Variants in DAB1 observed in about 807,000 individuals in gnomAD.
DAB1 encodes disabled homolog 1.
DAB1 carries 15 observed loss-of-function variants against 64.6 expected under a neutral mutation model. That is an observed-to-expected ratio of 0.23 (90% CI 0.16 to 0.36). DAB1 has a LOEUF of 0.36. Ranked by LOEUF, DAB1 falls within the 10% of genes least tolerant of loss-of-function variation. The pLI is 1.00. For synonymous variants in DAB1, 235 were observed against 251.9 expected (o/e 0.93, Z 0.64); for missense variants, 596 against 706.7 (o/e 0.84, Z 1.78).
intron 4 of DAB1, among the ~76,000 whole-genome samples, chr1:58,197,049 C>A (rs1304000406): frequency 6.6e-6 from 1 of 152,168 alleles, no homozygotes. Context: ...GAGATTCTTA[C>A]AGTCTCCATT....
At chr1:57,057,602 C>T (rs1649903296) in intron 9 of DAB1, among the ~76,000 whole-genome samples, 1 of 144,730 alleles carries the variant, frequency 6.9e-6, no homozygotes. Context: ...AAGGACTACA[C>T]TGATTCTTTT....
intron 5 of DAB1, among the ~76,000 whole-genome samples, chr1:57,915,946 C>T (rs560765215): frequency 3.9e-5 from 6 of 152,248 alleles, no homozygotes; most frequent in Admixed American, 2.6e-4. Flanking sequence ...TTTAGGTGAG[C>T]GCTTCAATGT....
intron 5 of DAB1, among the ~76,000 whole-genome samples, chr1:58,133,866 A>G (rs150929463): frequency 2.6e-4 from 40 of 152,292 alleles, no homozygotes; most frequent in African/African-American, 7.0e-4. Context: ...AACATTGCCA[A>G]TTTAATCTTT....
intron 3 of DAB1, among the ~76,000 whole-genome samples, chr1:58,485,210 A>C (rs1645554800): frequency 6.7e-6 from 1 of 148,742 alleles, no homozygotes; most frequent in African/African-American, 2.5e-5. Flanking sequence ...AGAGTCTAAA[A>C]ATAAAAGAGT....
At chr1:57,745,984 G>A (rs1406236247) in intron 6 of DAB1, among the ~76,000 whole-genome samples, 2 of 152,134 alleles carry the variant, frequency 1.3e-5, no homozygotes, top group Non-Finnish European at 2.9e-5. Flanking sequence ...ACATATCATT[G>A]TGCACATTTT....
chr1:57,465,444 G>A (rs1686924496), intron 7 of DAB1, among the ~76,000 whole-genome samples: 1 of 152,182 alleles, frequency 6.6e-6, no homozygotes, highest in Admixed American at 6.5e-5. Context: ...ATGAATGAAT[G>A]AATGAATGAC....
chr1:58,445,442 C>T (rs1645054650), intron 3 of DAB1, among the ~76,000 whole-genome samples: 1 of 152,228 alleles, frequency 6.6e-6, no homozygotes, highest in Non-Finnish European at 1.5e-5. Flanking sequence ...CCAGGCACTG[C>T]CCTCTGTCCC....
chr1:57,909,947 T>C (rs907367973), intron 5 of DAB1, among the ~76,000 whole-genome samples: 1 of 152,202 alleles, frequency 6.6e-6, no homozygotes, highest in African/African-American at 2.4e-5. Flanking sequence ...CACATATTTA[T>C]ATAGAAGATG....
At chr1:57,070,832 T>C in intron 7 of DAB1, 191 bp downstream of exon 7, 1 of 627,108 alleles carries the variant, frequency 1.6e-6, no homozygotes, top group Non-Finnish European at 2.9e-6. Flanking sequence ...AAGATACCGA[T>C]GCCGGCCAAA....
chr1:58,074,064 C>T (rs1485270013), intron 5 of DAB1, among the ~76,000 whole-genome samples: 1 of 152,160 alleles, frequency 6.6e-6, no homozygotes, highest in African/African-American at 2.4e-5. Flanking sequence ...TTCTGGACTT[C>T]TCAAATACAT....
Position 56,996,282 on chromosome 1 carries a change from A to T in DAB1, c.*1862T>A, listed in dbSNP as rs546181940. 24 of 152,368 alleles carry T rather than the reference A, an allele frequency of 1.6e-4. No individual in the cohort carries two copies. The highest frequency in any genetic ancestry group is 1.2e-3 in the South Asian group (6 of 4,832). 9.4% of individuals were successfully genotyped at this position (152,368 alleles called of 1,614,324 possible). A position where few individuals can be genotyped will look rare whatever the true frequency, so the allele number is the denominator to read the frequency against. On this transcript the variant is annotated 3_prime_UTR_variant, in exon 15 of 15. Transcript: ENST00000371236. ...ATCTAAAAACCAAATAATAATAATT[A>T]TCCTCAAATCCAATTAATCACATGA...
At chr1:57,323,152 A>T (rs1021150256) in intron 1 of DAB1, among the ~76,000 whole-genome samples, 29 of 152,066 alleles carry the variant, frequency 1.9e-4, no homozygotes, top group African/African-American at 6.8e-4. Flanking sequence ...AATTCTCCCT[A>T]AATCCTCTCT....
At chr1:57,509,955 C>G (rs1644388548) in intron 7 of DAB1, among the ~76,000 whole-genome samples, 1 of 152,112 alleles carries the variant, frequency 6.6e-6, no homozygotes. Flanking sequence ...ATAATTTGCT[C>G]TTATTATTTT....
chr1:57,257,985 A>C (rs556109026), intron 2 of DAB1, among the ~76,000 whole-genome samples: 97 of 152,364 alleles, frequency 6.4e-4, no homozygotes, highest in African/African-American at 2.2e-3. Context: ...TATCCCATGT[A>C]AGGCAACATG....
chr1:58,090,777 G>C lies in DAB1; in HGVS notation n.387+59734C>G, dbSNP rs150609572. ...CACAGCCCAGTACAGAGTCACACAG[G>C]CAGGCAGACTAACAAGGAGGCAATT... On this transcript the variant is annotated intron_variant and non_coding_transcript_variant, in intron 5 of 20. Transcript: ENST00000485760. 2.6e-4 allele frequency among the ~76,000 whole-genome samples: 40 copies of C among 152,272 alleles called. No individual in the cohort carries two copies. The East Asian group carries it at 7.0e-3, about 26-fold the overall frequency.
intron 1 of DAB1, among the ~76,000 whole-genome samples, chr1:57,294,692 T>C (rs184182062): frequency 6.8e-4 from 103 of 152,270 alleles, no homozygotes; most frequent in African/African-American, 2.3e-3. Context: ...AAGAATCCAA[T>C]ATAATTATCT....
At chr1:57,197,258 C>T (rs1352746132) in intron 2 of DAB1, among the ~76,000 whole-genome samples, 3 of 151,654 alleles carry the variant, frequency 2.0e-5, no homozygotes, top group Non-Finnish European at 2.9e-5. Flanking sequence ...GCACAAGAAT[C>T]GCTTGAACCC....
chr1:58,481,297 G>A, intron 3 of DAB1: 1 of 411,870 alleles, frequency 2.4e-6, no homozygotes, highest in Non-Finnish European at 4.2e-6. Context: ...TTTAATAAAA[G>A]GTATCTTGAT....
Position 58,063,442 on chromosome 1 carries a change from C to T in DAB1, n.387+87069G>A, listed in dbSNP as rs1648637754. Reference sequence around the variant, plus strand: ...AGAGGACTCTGTAGACCAGAAGCACCAGAACCTAAAGTCCAGTGTATAGCC... The same window carrying T: ...AGAGGACTCTGTAGACCAGAAGCACTAGAACCTAAAGTCCAGTGTATAGCC... On this transcript the variant is annotated intron_variant and non_coding_transcript_variant, in intron 5 of 20. Transcript: ENST00000485760. Among the ~76,000 whole-genome samples the T allele has an allele frequency of 2.6e-5, 4 of 152,138 alleles. 1 individual carries two copies. The South Asian group carries it at 8.3e-4, about 32-fold the overall frequency.
Sources: gnomAD v4.1 joint callset for allele counts (sites outside exome capture counted in the v4.1 genomes callset) on GRCh38, gnomAD v4.1.1 for gene constraint, MANE v1.5 for transcripts, NCBI Gene and HGNC (gene_info 2026-07-23, HGNC 2026-07-21) for gene names.